Variants in F10 observed in about 807,000 individuals in gnomAD.
F10 encodes the protein coagulation factor X, also known as Stuart-Prower factor.
F10 carries 29 observed loss-of-function variants against 37.1 expected under a neutral mutation model. The ratio of observed to expected loss-of-function variants is 0.78; its 90% CI spans 0.58 to 1.07. The LOEUF (loss-of-function observed/expected upper bound fraction) is 1.07, where lower values mean the gene tolerates loss of function less well. F10 is among the 50% of genes least tolerant of loss of function. F10 has a pLI of 0.00. For synonymous variants in F10, 262 were observed against 268.6 expected (o/e 0.98, Z 0.24); for missense variants, 539 against 667.9 (o/e 0.81, Z 2.13).
rs2036554035 is a variant in F10 at position 113,143,721 on chromosome 13, C to T, written c.503-130C>T. 51 of 1,392,462 alleles carry T rather than the reference C, an allele frequency of 3.7e-5. No homozygotes were observed. Among genetic ancestry groups the T allele is most frequent in the Admixed American group, 2.3e-4 (11 of 48,504 alleles). 86.3% of individuals were successfully genotyped at this position (1,392,462 alleles called of 1,614,324 possible). The stretch of plus-strand genomic sequence containing the variant: ...ACGACGTGGGGCCTCGCCCTGCAAG[C>T]CCGCTGCCCCTCCGGGTGCCCCTGC... On this transcript the variant is annotated intron_variant, in intron 5 of 7. Coordinates refer to ENST00000375559, the MANE Select transcript of F10 (RefSeq NM_000504.4). The surrounding 1 kb of genome is among the most constrained non-coding windows in gnomAD (Gnocchi z 6.8).
chr13:113,127,507 A>T (rs1368723538), intron 1 of F10, among the ~76,000 whole-genome samples: 1 of 152,202 alleles, frequency 6.6e-6, no homozygotes, highest in Non-Finnish European at 1.5e-5. Context: ...GGAGTGGGTG[A>T]GAGACAAAGG....
chr13:113,125,738 C>T lies in F10; in HGVS notation c.70+2813C>T, dbSNP rs543158782. ...TCAGTCCAGAGGGCTGAGCCAGGCA[C>T]GCCATCTTTCCTTCATTCCCTCAAC... On this transcript the variant is annotated intron_variant, in intron 1 of 7. Transcript: ENST00000375559. Among the ~76,000 whole-genome samples, 98 of 152,358 alleles carry T rather than the reference C, an allele frequency of 6.4e-4. 1 individual carries two copies. Among genetic ancestry groups the T allele is most frequent in the African/African-American group, 2.3e-3 (95 of 41,588 alleles).
At chr13:113,125,739 G>A (rs2036364423) in intron 1 of F10, among the ~76,000 whole-genome samples, 2 of 152,368 alleles carry the variant, frequency 1.3e-5, no homozygotes, top group African/African-American at 4.8e-5. Flanking sequence ...AGCCAGGCAC[G>A]CCATCTTTCC....
chr13:113,139,556 G>T lies in F10; in HGVS notation c.370+86G>T. On this transcript the variant is annotated intron_variant, in intron 4 of 7. Coordinates refer to ENST00000375559, the MANE Select transcript of F10 (RefSeq NM_000504.4). This position sits in a 1 kb window ranked among gnomAD's most constrained non-coding sequence, Gnocchi z 5.2. ...GGGGGAAGAAGTGAAAACGCCTAAT[G>T]AAACAATCTTAAGTCATTTCTGATT... 1.0e-6 allele frequency: 1 copy of T among 966,638 alleles called. No homozygotes were observed. The highest frequency in any genetic ancestry group is 1.6e-6 in the Non-Finnish European group (1 of 607,878). 59.9% of individuals were successfully genotyped at this position (966,638 alleles called of 1,614,324 possible). A position where few individuals can be genotyped will look rare whatever the true frequency, so the allele number is the denominator to read the frequency against.
chr13:113,147,311 C>A, intron 6 of F10, 68 bp from the exon 7 acceptor site: 1 of 1,070,668 alleles, frequency 9.3e-7, no homozygotes, highest in Non-Finnish European at 1.5e-6. Flanking sequence ...ACCTGAAGAG[C>A]TGGCTTCTCA....
intron 4 of F10, chr13:113,140,659 G>A (rs1026558886): frequency 9.0e-6 from 6 of 665,232 alleles, no homozygotes; most frequent in African/African-American, 1.8e-5. Flanking sequence ...TGGGGCAGGG[G>A]GTACCGGCCA....
intron 5 of F10, among the ~76,000 whole-genome samples, chr13:113,142,485 G>A (rs2036540632): frequency 7.0e-6 from 1 of 142,608 alleles, no homozygotes; most frequent in Non-Finnish European, 1.5e-5. Context: ...GGAAGGCGGA[G>A]CTTGCACTGA....
chr13:113,148,832 T>A lies in F10; in HGVS notation c.866-84T>A, dbSNP rs187702761. Reference sequence around the variant, plus strand: ...ACGTGCCATTTTTAATTTAAAAAAATATATATAACTTCCTTAAAAAGCAAC... The same window carrying A: ...ACGTGCCATTTTTAATTTAAAAAAAAATATATAACTTCCTTAAAAAGCAAC... On this transcript the variant is annotated intron_variant, in intron 7 of 7. Transcript: ENST00000375559. The A allele has an allele frequency of 4.9e-4, 757 of 1,535,668 alleles. 4 individuals carry two copies. In the East Asian group the frequency reaches 0.016, roughly 32 times the overall value.
At chr13:113,148,363 T>TATAC (rs56165023) in intron 7 of F10, among the ~76,000 whole-genome samples, 3,458 of 110,092 alleles carry the variant, frequency 0.031, 79 homozygotes, top group South Asian at 0.082. Context: ...TATATATATA[T>TATAC]GTATATATAT....
chr13:113,135,993 A>G (rs1352063735), intron 2 of F10, among the ~76,000 whole-genome samples: 2 of 152,232 alleles, frequency 1.3e-5, no homozygotes, highest in East Asian at 3.8e-4. Context: ...TGCAAATCAC[A>G]TATCCAACAA....
intron 1 of F10, among the ~76,000 whole-genome samples, chr13:113,126,917 T>C (rs2036376033): frequency 6.6e-6 from 1 of 152,140 alleles, no homozygotes; most frequent in Non-Finnish European, 1.5e-5. Flanking sequence ...AGGCTGCAGG[T>C]TGCAGGGAGC....
intron 2 of F10, chr13:113,132,135 T>TA (rs1252371145): frequency 6.6e-6 from 1 of 152,262 alleles, no homozygotes; most frequent in African/African-American, 2.4e-5. Flanking sequence ...AATTCTTAAT[T>TA]AAATTAAGAA....
chr13:113,139,292 C>A lies in F10; in HGVS notation c.257-65C>A. ...AACGGCAGGGCCAAGGTTAGCACAG[C>A]AAAACTGTTTCCATGATGCCGGAAA... On this transcript the variant is annotated intron_variant, in intron 3 of 7. Coordinates refer to ENST00000375559, the MANE Select transcript of F10 (RefSeq NM_000504.4). This position sits in a 1 kb window ranked among gnomAD's most constrained non-coding sequence, Gnocchi z 5.2. The A allele has an allele frequency of 7.1e-7, 1 of 1,399,294 alleles. No homozygotes were observed. Among genetic ancestry groups the A allele is most frequent in the Non-Finnish European group, 1.0e-6 (1 of 990,998 alleles). 86.7% of individuals were successfully genotyped at this position (1,399,294 alleles called of 1,614,324 possible). A position where few individuals can be genotyped will look rare whatever the true frequency, so the allele number is the denominator to read the frequency against.
In F10 at chr13:113,129,640, G is replaced by A. The variant is rs200128715; in HGVS notation, c.231+28G>A. Reference sequence around the variant, plus strand: ...AAGGGCTGGGGATAGCCTGGCTGTTGGTAAGGAGCTCAGGCCACAGCGCCC... The same window carrying A: ...AAGGGCTGGGGATAGCCTGGCTGTTAGTAAGGAGCTCAGGCCACAGCGCCC... On this transcript the variant is annotated intron_variant, in intron 2 of 7. Transcript: ENST00000375559. The A allele has an allele frequency of 8.1e-6, 13 of 1,613,626 alleles. No homozygotes were observed. In the African/African-American group the frequency reaches 1.5e-4, roughly 18 times the overall value.
intron 1 of F10, 115 bp downstream of exon 1, chr13:113,123,040 C>CTCTGGCAGCACTCA: frequency 7.9e-7 from 1 of 1,260,620 alleles, no homozygotes; most frequent in Non-Finnish European, 1.1e-6. Context: ...TGAGTGCTGC[C>CTCTGGCAGCACTCA]AGAGGCTGGG....
In F10 at chr13:113,122,897, G is replaced by T. The variant is rs1015960957; in HGVS notation, c.42G>T (p.Leu14=). The T allele has an allele frequency of 4.3e-6, 7 of 1,610,678 alleles. No individual in the cohort carries two copies. In the African/African-American group the frequency reaches 5.3e-5, roughly 12 times the overall value. The part of the protein sequence containing the change: ...PLHLVLLSAS[L]AGLLLLGESL... The stretch of plus-strand genomic sequence containing the variant: ...ACCTCGTCCTGCTCAGTGCCTCCCT[G>T]GCTGGCCTCCTGCTGCTCGGGGAAA... The change falls in exon 1 of 8, where the codon CTG becomes CTT. Residue 14 remains leucine (L), a synonymous_variant. Coordinates refer to ENST00000375559, the MANE Select transcript of F10 (RefSeq NM_000504.4).
At chr13:113,130,497 A>C (rs1445811268) in intron 2 of F10, 2 of 152,436 alleles carry the variant, frequency 1.3e-5, no homozygotes, top group Admixed American at 6.5e-5. Flanking sequence ...AGAAGAAAGT[A>C]GCCGAGAAGG....
rs1396453416 is a variant in F10 at position 113,147,428 on chromosome 13, T to G, written c.797T>G (p.Leu266Arg). 3.1e-6 allele frequency: 5 copies of G among 1,613,978 alleles called. No homozygotes were observed. The highest frequency in any genetic ancestry group is 2.2e-5 in the East Asian group (1 of 44,884). Residue 266 changes from leucine (L) to arginine (R), a missense_variant, in exon 7 of 8, where the codon CTG becomes CGG. Physicochemically the swap from Leu to Arg is moderately radical, Grantham distance 102. This residue lies in a region of F10 where 409 missense variants were observed against 547.9 expected (regional missense o/e 0.75). Coordinates refer to ENST00000375559, the MANE Select transcript of F10 (RefSeq NM_000504.4). ...GAGGGTTTCTGTGGTGGAACCATTCTGAGCGAGTTCTACATCCTAACGGCA... is the reference window on the plus strand; with the variant it reads ...GAGGGTTTCTGTGGTGGAACCATTCGGAGCGAGTTCTACATCCTAACGGCA... ...ENEGFCGGTI[L>R]SEFYILTAAH... is the part of the protein sequence containing the mutation.
chr13:113,136,305 GA>G lies in F10; in HGVS notation c.232-2148del, dbSNP rs3211759. On this transcript the variant is annotated intron_variant, in intron 2 of 7. Coordinates refer to ENST00000375559, the MANE Select transcript of F10 (RefSeq NM_000504.4). ...GAATGCAAAATGGCACGGCCACTTTGAAAAGGAATTTGACAGTTTCTTATAA... is the reference window on the plus strand; with the variant it reads ...GAATGCAAAATGGCACGGCCACTTTGAAAGGAATTTGACAGTTTCTTATAA... Among the ~76,000 whole-genome samples the G allele has an allele frequency of 4.6e-3, 695 of 152,264 alleles. 6 individuals are homozygous for G. Among genetic ancestry groups the G allele is most frequent in the African/African-American group, 0.016 (676 of 41,546 alleles).
Sources: gnomAD v4.1 joint callset for allele counts (sites outside exome capture counted in the v4.1 genomes callset) on GRCh38, gnomAD v4.1.1 for gene constraint, gnomAD v4.1.1 regional missense constraint, Gnocchi (gnomAD v3.1) non-coding constraint, MANE v1.5 for transcripts, NCBI Gene and HGNC (gene_info 2026-07-23, HGNC 2026-07-21) for gene names.